Variants in EPC2 observed in about 807,000 individuals in gnomAD.
EPC2 encodes the protein enhancer of polycomb 2.
EPC2 carries 14 observed loss-of-function variants against 92.1 expected under a neutral mutation model. The ratio of observed to expected loss-of-function variants is 0.15; its 90% CI spans 0.10 to 0.24. The LOEUF (loss-of-function observed/expected upper bound fraction) is 0.24. EPC2 is among the 10% of genes least tolerant of loss of function. The pLI is 1.00. For missense variants in EPC2, 755 were observed against 971.5 expected, an observed-to-expected ratio of 0.78 and a Z score of 2.96; for synonymous variants, 340 against 334.7, an observed-to-expected ratio of 1.02 and a Z score of -0.17.
At chr2:148,752,584 A>G (rs1683100592) in intron 3 of EPC2, among the ~76,000 whole-genome samples, 1 of 152,202 alleles carries the variant, frequency 6.6e-6, no homozygotes. Flanking sequence ...TTGGGTAACC[A>G]TAGAATGGCC....
intron 2 of EPC2, among the ~76,000 whole-genome samples, chr2:148,737,607 A>G (rs1682786946): frequency 1.3e-5 from 2 of 152,136 alleles, no homozygotes; most frequent in African/African-American, 4.8e-5. Flanking sequence ...CTCTGAAGCA[A>G]CGTTTGTAGG....
intron 1 of EPC2, among the ~76,000 whole-genome samples, chr2:148,677,835 G>A (rs994307647): frequency 1.3e-5 from 2 of 152,098 alleles, no homozygotes; most frequent in Admixed American, 1.3e-4. Flanking sequence ...CCTCCCGGTG[G>A]GCTTGTGGTC....
chr2:148,737,299 C>A (rs1682777032), intron 2 of EPC2, among the ~76,000 whole-genome samples: 1 of 152,026 alleles, frequency 6.6e-6, no homozygotes, highest in Non-Finnish European at 1.5e-5. Context: ...CACGTTATTT[C>A]ATTTTGTAAT....
chr2:148,724,410 A>G (rs545335002), intron 2 of EPC2, among the ~76,000 whole-genome samples: 14 of 152,206 alleles, frequency 9.2e-5, no homozygotes, highest in South Asian at 2.1e-4. Flanking sequence ...TTATCCATCA[A>G]TGCTGTAGAA....
chr2:148,763,760 T>C (rs1352450677), intron 6 of EPC2, among the ~76,000 whole-genome samples: 1 of 152,224 alleles, frequency 6.6e-6, no homozygotes, highest in Non-Finnish European at 1.5e-5. Flanking sequence ...GAAAAAGTTA[T>C]CAGTGCAAAT....
At chr2:148,706,409 C>CT (rs1682000342) in intron 2 of EPC2, among the ~76,000 whole-genome samples, 1 of 152,058 alleles carries the variant, frequency 6.6e-6, no homozygotes, top group South Asian at 2.1e-4. Context: ...TGGAACCAAG[C>CT]TGGAAAACAC....
At chr2:148,708,318 C>A (rs1368841103) in intron 2 of EPC2, among the ~76,000 whole-genome samples, 1 of 152,098 alleles carries the variant, frequency 6.6e-6, no homozygotes, top group Non-Finnish European at 1.5e-5. Flanking sequence ...GCTGAATAGA[C>A]CAATAACAGG....
At chr2:148,655,201 G>T (rs1680766016) in intron 1 of EPC2, among the ~76,000 whole-genome samples, 1 of 152,066 alleles carries the variant, frequency 6.6e-6, no homozygotes, top group African/African-American at 2.4e-5. Context: ...TTAATTTCTG[G>T]AACTTTCTAG....
chr2:148,711,203 GCAGT>G (rs1682136323), intron 2 of EPC2, among the ~76,000 whole-genome samples: 1 of 151,550 alleles, frequency 6.6e-6, no homozygotes, highest in Non-Finnish European at 1.5e-5. Context: ...CCTAATATAT[GCAGT>G]CAGTCCTATA....
chr2:148,705,281 T>A (rs191870936), intron 2 of EPC2, among the ~76,000 whole-genome samples: 2 of 149,958 alleles, frequency 1.3e-5, no homozygotes, highest in Admixed American at 6.8e-5. Context: ...TATTTACTAC[T>A]GCACAGTTAT....
intron 1 of EPC2, among the ~76,000 whole-genome samples, chr2:148,673,878 G>A (rs924591613): frequency 2.6e-5 from 4 of 152,138 alleles, no homozygotes; most frequent in Admixed American, 1.3e-4. Context: ...GAGCCACCAC[G>A]CCTGGCTTTC....
At chr2:148,645,556 A>G (rs1302139302) in intron 1 of EPC2, 2 of 183,304 alleles carry the variant, frequency 1.1e-5, no homozygotes, top group African/African-American at 4.8e-5. Flanking sequence ...GCTAGGCAAG[A>G]TTATTATTTT....
At chr2:148,647,386 C>T (rs1403355072) in intron 1 of EPC2, among the ~76,000 whole-genome samples, 2 of 152,114 alleles carry the variant, frequency 1.3e-5, no homozygotes, top group Non-Finnish European at 2.9e-5. Flanking sequence ...CGGCTCACTG[C>T]AACCTCCGCC....
intron 2 of EPC2, among the ~76,000 whole-genome samples, chr2:148,708,263 C>T (rs568297773): frequency 2.0e-5 from 3 of 152,154 alleles, no homozygotes; most frequent in Admixed American, 6.5e-5. Flanking sequence ...ACAAATTCCT[C>T]GACACATACA....
At chr2:148,754,449 G>A (rs1251221213) in intron 4 of EPC2, among the ~76,000 whole-genome samples, 1 of 152,124 alleles carries the variant, frequency 6.6e-6, no homozygotes, top group Non-Finnish European at 1.5e-5. Context: ...GAGGAATTTA[G>A]TGTCCTTATG....
At chr2:148,646,613 A>C (rs1683807108) in intron 1 of EPC2, among the ~76,000 whole-genome samples, 1 of 150,008 alleles carries the variant, frequency 6.7e-6, no homozygotes, top group Admixed American at 6.6e-5. Flanking sequence ...TTTTTTTTTA[A>C]TTTGTTTCTA....
chr2:148,775,001 A>C (rs1683599352), intron 10 of EPC2, among the ~76,000 whole-genome samples: 1 of 151,666 alleles, frequency 6.6e-6, no homozygotes. Context: ...AGGCAGGAGA[A>C]TGGCGTGAAC....
At chr2:148,763,543 A>C (rs1206723145) in intron 6 of EPC2, among the ~76,000 whole-genome samples, 1 of 152,200 alleles carries the variant, frequency 6.6e-6, no homozygotes, top group Non-Finnish European at 1.5e-5. Flanking sequence ...TAAATGACCT[A>C]GGGTGTTTGT....
chr2:148,754,937 C>G (rs764103040), intron 4 of EPC2, among the ~76,000 whole-genome samples: 3 of 152,140 alleles, frequency 2.0e-5, no homozygotes, highest in Non-Finnish European at 4.4e-5. Flanking sequence ...AGTACCTTCT[C>G]TAACATTGCA....
Sources: allele counts gnomAD v4.1 joint callset (sites outside exome capture counted in the v4.1 genomes callset), GRCh38; gene constraint gnomAD v4.1.1; transcripts MANE v1.5; gene names NCBI Gene and HGNC (gene_info 2026-07-23, HGNC 2026-07-21).